The following KHDRBS2 variants were observed in gnomAD, a reference collection of about 807,000 sequenced individuals.
KHDRBS2 encodes KH domain-containing, RNA-binding, signal transduction-associated protein 2.
KHDRBS2 carries 26 observed loss-of-function variants against 44.3 expected under a neutral mutation model. The ratio of observed to expected loss-of-function variants is 0.59; its 90% CI spans 0.43 to 0.81. The LOEUF (loss-of-function observed/expected upper bound fraction) is 0.81. Among genes scored for constraint, KHDRBS2 ranks in the 40% least tolerant of loss-of-function variants. The pLI, the probability that KHDRBS2 is intolerant of heterozygous loss-of-function variation, is 0.00. For synonymous variants in KHDRBS2, 194 were observed against 151.1 expected, an observed-to-expected ratio of 1.28 and a Z score of -2.08; for missense variants, 476 against 433.1, an observed-to-expected ratio of 1.10 and a Z score of -0.88.
chr6:61,610,047 G>T, the KHDRBS2 span, among the ~76,000 whole-genome samples: 1 of 152,052 alleles, frequency 6.6e-6, no homozygotes, highest in Non-Finnish European at 1.5e-5. Flanking sequence ...GTGGTGGTTG[G>T]TGCCTGTAGT....
At chr6:62,165,342 T>G (rs976165463) in intron 2 of KHDRBS2, among the ~76,000 whole-genome samples, 2 of 150,398 alleles carry the variant, frequency 1.3e-5, no homozygotes, top group Non-Finnish European at 3.0e-5. Context: ...AGGGATCTGG[T>G]CTTCCTTTTT....
intron 1 of KHDRBS2, among the ~76,000 whole-genome samples, chr6:62,277,508 A>C (rs1270995812): frequency 6.6e-6 from 1 of 151,682 alleles, no homozygotes; most frequent in African/African-American, 2.4e-5. Context: ...CGCCTGGCTA[A>C]TTTTTTTGTA....
intron 1 of KHDRBS2, among the ~76,000 whole-genome samples, chr6:62,251,614 A>C (rs16882668): frequency 0.03 from 4,553 of 152,012 alleles, 170 homozygotes; most frequent in African/African-American, 0.099. Flanking sequence ...TACATAGCAA[A>C]GGAATCTGAG....
chr6:61,712,711 C>A (rs1562010258), intron 7 of KHDRBS2, among the ~76,000 whole-genome samples: 1 of 151,810 alleles, frequency 6.6e-6, no homozygotes, highest in Non-Finnish European at 1.5e-5. Context: ...AATGTTTACA[C>A]AGTACTTAAT....
At chr6:62,036,345 A>T (rs1785283710) in intron 3 of KHDRBS2, among the ~76,000 whole-genome samples, 1 of 151,996 alleles carries the variant, frequency 6.6e-6, no homozygotes, top group South Asian at 2.1e-4. Context: ...ATTTTACAAT[A>T]TTTAAAGTAA....
At chr6:61,869,615 G>A (rs1329132218) in intron 6 of KHDRBS2, among the ~76,000 whole-genome samples, 1 of 152,168 alleles carries the variant, frequency 6.6e-6, no homozygotes, top group African/African-American at 2.4e-5. Context: ...AGCTCCCAGC[G>A]AGATTGACGC....
intron 3 of KHDRBS2, among the ~76,000 whole-genome samples, chr6:62,022,391 C>T (rs964984678): frequency 6.6e-6 from 1 of 151,616 alleles, no homozygotes; most frequent in Admixed American, 6.6e-5. Context: ...AGTTAACCAA[C>T]CTGTCTGTGT....
the KHDRBS2 span, among the ~76,000 whole-genome samples, chr6:61,644,598 G>A: frequency 6.6e-6 from 1 of 151,948 alleles, no homozygotes; most frequent in Non-Finnish European, 1.5e-5. Context: ...AAGGAACTTT[G>A]AGCAAATATA....
At chr6:62,106,636 C>A (rs1005749651) in intron 2 of KHDRBS2, among the ~76,000 whole-genome samples, 1 of 152,070 alleles carries the variant, frequency 6.6e-6, no homozygotes, top group African/African-American at 2.4e-5. Flanking sequence ...GATACCAAAG[C>A]CGGGCAGAGA....
At chr6:62,028,048 G>T (rs1783692061) in intron 3 of KHDRBS2, among the ~76,000 whole-genome samples, 2 of 152,138 alleles carry the variant, frequency 1.3e-5, no homozygotes, top group South Asian at 4.1e-4. Flanking sequence ...AGTGAGGGGG[G>T]CACTTCTGTG....
At chr6:62,115,782 A>G (rs1368200260) in intron 2 of KHDRBS2, among the ~76,000 whole-genome samples, 2 of 152,160 alleles carry the variant, frequency 1.3e-5, no homozygotes, top group African/African-American at 4.8e-5. Flanking sequence ...TGATAGATAC[A>G]AATTTACTTT....
intron 6 of KHDRBS2, among the ~76,000 whole-genome samples, chr6:61,874,218 T>C (rs886349286): frequency 2.0e-5 from 3 of 152,162 alleles, no homozygotes; most frequent in Non-Finnish European, 2.9e-5. Flanking sequence ...ATTACACATA[T>C]ACACAAAAAT....
At chr6:61,930,539 A>G (rs1809831277) in intron 4 of KHDRBS2, among the ~76,000 whole-genome samples, 1 of 32,958 alleles carries the variant, frequency 3.0e-5, no homozygotes, top group African/African-American at 7.9e-5. Flanking sequence ...AAAAAAAAAA[A>G]AAAAAAGAAA....
At chr6:61,883,725 C>G (rs1200316635) in intron 6 of KHDRBS2, among the ~76,000 whole-genome samples, 1 of 151,990 alleles carries the variant, frequency 6.6e-6, no homozygotes, top group East Asian at 1.9e-4. Context: ...AGTATTATGT[C>G]CGTCCTATAG....
At chr6:61,845,825 A>G (rs1794331703) in intron 6 of KHDRBS2, among the ~76,000 whole-genome samples, 1 of 152,174 alleles carries the variant, frequency 6.6e-6, no homozygotes, top group South Asian at 2.1e-4. Context: ...CTACAATTGT[A>G]ACTATCATTT....
intron 2 of KHDRBS2, among the ~76,000 whole-genome samples, chr6:62,057,571 C>T (rs1413236182): frequency 1.3e-5 from 2 of 151,874 alleles, no homozygotes; most frequent in Admixed American, 6.6e-5. Flanking sequence ...GCAATTGGTT[C>T]TAACCTTTTC....
intron 1 of KHDRBS2, among the ~76,000 whole-genome samples, chr6:62,218,565 T>C (rs2150150531): frequency 6.6e-6 from 1 of 151,800 alleles, no homozygotes; most frequent in South Asian, 2.1e-4. Context: ...TAGCCAGGAA[T>C]TGGTAACATT....
At chr6:62,140,434 G>A (rs1410989683) in intron 2 of KHDRBS2, among the ~76,000 whole-genome samples, 11 of 152,090 alleles carry the variant, frequency 7.2e-5, no homozygotes, top group Admixed American at 2.0e-4. Flanking sequence ...AGGGACAGTC[G>A]GGAGACTTTT....
chr6:61,557,724 C>G, the KHDRBS2 span, among the ~76,000 whole-genome samples: 3 of 152,122 alleles, frequency 2.0e-5, no homozygotes, highest in African/African-American at 7.2e-5. Context: ...TGTTCTTTAA[C>G]AACAACTGAA....
Sources: gnomAD v4.1 joint callset for allele counts (sites outside exome capture counted in the v4.1 genomes callset) on GRCh38, gnomAD v4.1.1 for gene constraint, MANE v1.5 for transcripts, NCBI Gene and HGNC (gene_info 2026-07-23, HGNC 2026-07-21) for gene names.